Variants in STAG1 observed in about 807,000 individuals in gnomAD.
The protein encoded by STAG1 is STAG1 cohesin complex component.
In STAG1, 26 loss-of-function variants were observed where a neutral mutation model predicts 170.9. The observed-to-expected ratio is 0.15, with a 90% CI of 0.11 to 0.21. The LOEUF is 0.21. Ranked by LOEUF, STAG1 falls within the 10% of genes least tolerant of loss-of-function variation. The pLI is 1.00. For missense variants in STAG1, 964 were observed against 1,509.5 expected (o/e 0.64, Z 5.99); for synonymous variants, 514 against 497.7 (o/e 1.03, Z -0.44).
chr3:136,537,994 C>G (rs1438896791), intron 6 of STAG1, among the ~76,000 whole-genome samples: 2 of 151,796 alleles, frequency 1.3e-5, no homozygotes, highest in Non-Finnish European at 2.9e-5. Context: ...AGAAAATGAC[C>G]CTGAAAACTT....
intron 1 of STAG1, among the ~76,000 whole-genome samples, chr3:136,710,022 G>A (rs1943339850): frequency 6.6e-6 from 1 of 152,124 alleles, no homozygotes; most frequent in Non-Finnish European, 1.5e-5. Flanking sequence ...GCAACAGAGT[G>A]AGACCCCATC....
intron 21 of STAG1, among the ~76,000 whole-genome samples, chr3:136,407,747 T>A (rs1373117557): frequency 2.0e-5 from 3 of 151,882 alleles, no homozygotes; most frequent in Non-Finnish European, 4.4e-5. Flanking sequence ...CAAGCATGAG[T>A]CACTGTGACT....
chr3:136,436,401 C>A (rs2088463708), intron 15 of STAG1, among the ~76,000 whole-genome samples: 1 of 152,070 alleles, frequency 6.6e-6, no homozygotes, highest in Non-Finnish European at 1.5e-5. Context: ...CCTGCCTCAG[C>A]CTCCTGAGTA....
At chr3:136,721,535 C>T (rs920883907) in intron 1 of STAG1, 2 of 152,136 alleles carry the variant, frequency 1.3e-5, no homozygotes, top group African/African-American at 4.8e-5. Context: ...AAATAAATTG[C>T]TTACAGATCA....
At position 136,534,785 on chromosome 3, in the gene STAG1, T is replaced by C. The variant is rs565728873; in HGVS notation, c.471+7334A>G. ...GGATCTGGAGAAAAGAGAACTTCTA[T>C]ACACTGTTGGTGGGAATGTAAATTA... is the stretch of plus-strand genomic sequence containing the variant. On this transcript the variant is annotated intron_variant, in intron 6 of 33. Transcript: ENST00000383202. Among the ~76,000 whole-genome samples, 8 of 152,318 alleles carry C rather than the reference T, an allele frequency of 5.3e-5. No individual in the cohort carries two copies. In the South Asian group the frequency reaches 1.5e-3, roughly 28 times the overall value.
intron 1 of STAG1, among the ~76,000 whole-genome samples, chr3:136,738,879 C>A (rs1433101089): frequency 2.0e-5 from 3 of 151,938 alleles, no homozygotes; most frequent in African/African-American, 4.8e-5. Flanking sequence ...TACACATATA[C>A]CAAAGTTATT....
chr3:136,357,898 T>C (rs200859800), intron 27 of STAG1, 50 bp from the exon 28 acceptor site: 141 of 1,457,230 alleles, frequency 9.7e-5, no homozygotes, highest in South Asian at 3.0e-4. Flanking sequence ...TGTAATTCTC[T>C]CAATTAGCTA....
intron 22 of STAG1, among the ~76,000 whole-genome samples, chr3:136,395,473 A>C (rs979616534): frequency 1.3e-5 from 2 of 151,736 alleles, no homozygotes; most frequent in Non-Finnish European, 2.9e-5. Flanking sequence ...AAATACAAAA[A>C]ACCCGGGCAT....
intron 6 of STAG1, among the ~76,000 whole-genome samples, chr3:136,526,775 T>C (rs1490875491): frequency 6.6e-6 from 1 of 152,230 alleles, no homozygotes; most frequent in African/African-American, 2.4e-5. Context: ...GGAGCTCTTG[T>C]AGGGCAGGCT....
intron 1 of STAG1, among the ~76,000 whole-genome samples, chr3:136,685,511 C>CA (rs1278738831): frequency 6.6e-6 from 1 of 152,182 alleles, no homozygotes; most frequent in African/African-American, 2.4e-5. Context: ...CATATGTCCA[C>CA]ACACGTTTAT....
intron 7 of STAG1, among the ~76,000 whole-genome samples, chr3:136,507,542 T>C (rs1055202910): frequency 6.6e-6 from 1 of 151,266 alleles, no homozygotes; most frequent in Non-Finnish European, 1.5e-5. Flanking sequence ...AAAAAAAAAT[T>C]TTTTTGTAGA....
intron 26 of STAG1, among the ~76,000 whole-genome samples, chr3:136,360,713 G>C (rs533294576): frequency 2.2e-4 from 33 of 152,130 alleles, no homozygotes; most frequent in Admixed American, 2.2e-3. Flanking sequence ...CTGTCACCCA[G>C]GCTGGAGTGC....
intron 13 of STAG1, among the ~76,000 whole-genome samples, chr3:136,464,097 C>T (rs1241306455): frequency 1.3e-5 from 2 of 151,624 alleles, no homozygotes; most frequent in Non-Finnish European, 2.9e-5. Context: ...ATATATAAAA[C>T]TTTCAGAATT....
intron 4 of STAG1, among the ~76,000 whole-genome samples, chr3:136,574,311 C>A (rs1212027021): frequency 6.6e-6 from 1 of 151,386 alleles, no homozygotes; most frequent in Non-Finnish European, 1.5e-5. Flanking sequence ...AGATAGGCCA[C>A]AATAAAGGAT....
chr3:136,472,083 C>T (rs769975978), intron 12 of STAG1, among the ~76,000 whole-genome samples: 6 of 152,130 alleles, frequency 3.9e-5, no homozygotes, highest in East Asian at 1.9e-4. Context: ...GTGATCCTCC[C>T]GCCTTGGCCT....
chr3:136,589,496 T>G (rs1938033754), intron 4 of STAG1, among the ~76,000 whole-genome samples: 1 of 149,662 alleles, frequency 6.7e-6, no homozygotes, highest in Admixed American at 6.6e-5. Context: ...AGAGCGAGAC[T>G]CTGTCTCAAA....
intron 4 of STAG1, among the ~76,000 whole-genome samples, chr3:136,595,518 C>T (rs536325065): frequency 2.6e-5 from 4 of 151,826 alleles, no homozygotes; most frequent in African/African-American, 9.7e-5. Flanking sequence ...ACGGTAAAAC[C>T]CTGTCTCTAC....
intron 3 of STAG1, among the ~76,000 whole-genome samples, chr3:136,615,732 C>T (rs1334896716): frequency 3.4e-5 from 5 of 148,022 alleles, no homozygotes; most frequent in Non-Finnish European, 7.4e-5. Flanking sequence ...GAGCCAAGGT[C>T]GTGCCACTGC....
At chr3:136,581,483 G>GA (rs1204894741) in intron 4 of STAG1, among the ~76,000 whole-genome samples, 1 of 152,066 alleles carries the variant, frequency 6.6e-6, no homozygotes, top group Non-Finnish European at 1.5e-5. Flanking sequence ...TTTTATCAAA[G>GA]AAACGCAAAT....
Sources: gnomAD v4.1 joint callset for allele counts (sites outside exome capture counted in the v4.1 genomes callset) on GRCh38, gnomAD v4.1.1 for gene constraint, MANE v1.5 for transcripts, NCBI Gene and HGNC (gene_info 2026-07-23, HGNC 2026-07-21) for gene names.